Variants in KLF7 observed in about 807,000 individuals in gnomAD.
The protein encoded by KLF7 is KLF transcription factor 7.
In KLF7, 2 loss-of-function variants were observed where a neutral mutation model predicts 27.3. That is an observed-to-expected ratio of 0.07 (90% CI 0.03 to 0.23). KLF7 has a LOEUF of 0.23. KLF7 is among the 10% of genes least tolerant of loss of function. The probability of loss-of-function intolerance (pLI) is 1.00; values close to 1 mark genes in which losing one functional copy is unlikely to be tolerated. For synonymous variants in KLF7, 165 were observed against 162.4 expected, an observed-to-expected ratio of 1.02 and a Z score of -0.12; for missense variants, 221 against 394.1, an observed-to-expected ratio of 0.56 and a Z score of 3.72.
At chr2:207,134,390 C>G (rs1472176578) in intron 1 of KLF7, among the ~76,000 whole-genome samples, 1 of 152,046 alleles carries the variant, frequency 6.6e-6, no homozygotes, top group African/African-American at 2.4e-5. Flanking sequence ...GCCCATTGGG[C>G]CCTCGGTGGC....
At chr2:207,162,568 T>C (rs2078580247) in intron 1 of KLF7, among the ~76,000 whole-genome samples, 2 of 152,226 alleles carry the variant, frequency 1.3e-5, no homozygotes, top group Non-Finnish European at 2.9e-5. Flanking sequence ...TGGAGCTATG[T>C]GGCTAAGGCA....
At chr2:207,126,347 A>G (rs1053580699) in intron 1 of KLF7, among the ~76,000 whole-genome samples, 2 of 152,202 alleles carry the variant, frequency 1.3e-5, no homozygotes, top group South Asian at 2.1e-4. Context: ...TCACCTACCA[A>G]GCACAGTGCC....
At chr2:207,155,381 G>A (rs1352740437) in intron 1 of KLF7, among the ~76,000 whole-genome samples, 1 of 152,164 alleles carries the variant, frequency 6.6e-6, no homozygotes, top group Non-Finnish European at 1.5e-5. Context: ...TGCAGCCACA[G>A]TAAGACAACT....
Position 207,081,051 on chromosome 2 carries a change from G to A in KLF7, c.*162C>T, listed in dbSNP as rs1320744047. On this transcript the variant is annotated 3_prime_UTR_variant, in exon 4 of 4. Coordinates refer to ENST00000309446, the MANE Select transcript of KLF7 (RefSeq NM_003709.4). ...AGTGTGTATGTGTGTGGGTCTGTGA[G>A]TGTGTGTATATGTGTGTGTGTGTGT... 6.1e-6 allele frequency: 4 copies of A among 655,212 alleles called. No homozygotes were observed. Among genetic ancestry groups the A allele is most frequent in the African/African-American group, 6.1e-5 (3 of 49,496 alleles). 40.6% of individuals were successfully genotyped at this position (655,212 alleles called of 1,614,324 possible). A position where few individuals can be genotyped will look rare whatever the true frequency, so the allele number is the denominator to read the frequency against.
intron 1 of KLF7, among the ~76,000 whole-genome samples, chr2:207,133,755 C>T (rs1016585534): frequency 1.3e-5 from 2 of 152,092 alleles, no homozygotes; most frequent in Non-Finnish European, 2.9e-5. Context: ...GGGGGGGAGC[C>T]ATCATTGAAA....
At chr2:207,165,352 G>A (rs568941404) in intron 1 of KLF7, 115 bp downstream of exon 1, 11 of 1,437,146 alleles carry the variant, frequency 7.7e-6, no homozygotes, top group East Asian at 2.3e-5. Context: ...AGCCAAAAAG[G>A]AAGAAAAAAA....
intron 2 of KLF7, among the ~76,000 whole-genome samples, chr2:207,103,653 C>G (rs1171387704): frequency 6.6e-6 from 1 of 152,212 alleles, no homozygotes; most frequent in African/African-American, 2.4e-5. Flanking sequence ...ACACACAACT[C>G]ACCATCAGGA....
At chr2:207,134,035 TC>T in intron 1 of KLF7, 1 of 1,515,680 alleles carries the variant, frequency 6.6e-7, no homozygotes, top group Non-Finnish European at 8.8e-7. Context: ...TCACACACCC[TC>T]CTCAAACTCC....
intron 2 of KLF7, among the ~76,000 whole-genome samples, chr2:207,107,340 G>A (rs926467020): frequency 2.6e-5 from 4 of 152,052 alleles, no homozygotes; most frequent in East Asian, 1.9e-4. Context: ...AACAAAGGAC[G>A]CCTCTGACAC....
In KLF7 at chr2:207,143,595, T is replaced by C. The variant is rs55822837; in HGVS notation, c.103-19191A>G. On this transcript the variant is annotated intron_variant, in intron 1 of 3. Transcript: ENST00000309446. ...CCTCACCCATTCCTGTAGACATGCATTTATGACCACATTCTCCTGGCCAGT... is the reference window on the plus strand; with the variant it reads ...CCTCACCCATTCCTGTAGACATGCACTTATGACCACATTCTCCTGGCCAGT... Among the ~76,000 whole-genome samples, 321 of 152,278 alleles carry C rather than the reference T, an allele frequency of 2.1e-3. 1 individual carries two copies. Among genetic ancestry groups the C allele is most frequent in the African/African-American group, 7.5e-3 (312 of 41,556 alleles).
chr2:207,126,757 C>G (rs913753177), intron 1 of KLF7, among the ~76,000 whole-genome samples: 1 of 150,898 alleles, frequency 6.6e-6, no homozygotes, highest in Non-Finnish European at 1.5e-5. Context: ...GAGCTATGGT[C>G]GTACCACTGC....
Position 207,074,516 on chromosome 2 carries a change from G to GT in KLF7, c.*6696dup, listed in dbSNP as rs1355969158. On this transcript the variant is annotated 3_prime_UTR_variant, in exon 4 of 4. Coordinates refer to ENST00000309446, the MANE Select transcript of KLF7 (RefSeq NM_003709.4). ...CTGAAGCTGCTTGTATTTCCATCTA[G>GT]TTTTTTGTACTCTCCACAGCCAGCT... is the stretch of plus-strand genomic sequence containing the variant. 2 of 152,032 alleles carry GT rather than the reference G, an allele frequency of 1.3e-5. No homozygotes were observed. Among genetic ancestry groups the GT allele is most frequent in the African/African-American group, 2.4e-5 (1 of 41,368 alleles). 9.4% of individuals were successfully genotyped at this position (152,032 alleles called of 1,614,324 possible).
intron 1 of KLF7, among the ~76,000 whole-genome samples, chr2:207,156,318 C>CTCA (rs2078382504): frequency 6.6e-6 from 1 of 152,238 alleles, no homozygotes; most frequent in Non-Finnish European, 1.5e-5. Context: ...CCGGAATGTC[C>CTCA]TCAGCAGCAA....
At chr2:207,173,555 A>G in the KLF7 span, 1 of 152,182 alleles carries the variant, frequency 6.6e-6, no homozygotes, top group Non-Finnish European at 1.5e-5. Context: ...TATCTTCTTC[A>G]GAAGACATCC....
At chr2:207,095,959 T>A (rs2076619370) in intron 2 of KLF7, among the ~76,000 whole-genome samples, 2 of 152,214 alleles carry the variant, frequency 1.3e-5, no homozygotes, top group African/African-American at 4.8e-5. Flanking sequence ...TAAAGTTACA[T>A]ATGTGGTTTG....
chr2:207,111,580 G>A (rs1289136659), intron 2 of KLF7, among the ~76,000 whole-genome samples: 1 of 152,192 alleles, frequency 6.6e-6, no homozygotes, highest in Non-Finnish European at 1.5e-5. Flanking sequence ...GCAGTTTTGT[G>A]TGGCCATGAG....
In KLF7 at chr2:207,080,516, AAGGTGTT is replaced by A; in HGVS notation, c.*690_*696del. On this transcript the variant is annotated 3_prime_UTR_variant, in exon 4 of 4. Coordinates refer to ENST00000309446, the MANE Select transcript of KLF7 (RefSeq NM_003709.4). Reference sequence around the variant, plus strand: ...ACAGAAATGCAGGCCAGAAAGGTGTAAGGTGTTATTCCAGTCTGCCGCCGCTAAGGCC... The same window carrying A: ...ACAGAAATGCAGGCCAGAAAGGTGTAATTCCAGTCTGCCGCCGCTAAGGCC... 1 of 249,268 alleles carries A rather than the reference AAGGTGTT, an allele frequency of 4.0e-6. No homozygotes were observed. The highest frequency in any genetic ancestry group is 7.6e-6 in the Non-Finnish European group (1 of 131,694). 15.4% of individuals were successfully genotyped at this position (249,268 alleles called of 1,614,324 possible). A position where few individuals can be genotyped will look rare whatever the true frequency, so the allele number is the denominator to read the frequency against.
intron 2 of KLF7, among the ~76,000 whole-genome samples, chr2:207,111,320 C>T (rs1005657454): frequency 2.6e-5 from 4 of 152,206 alleles, no homozygotes; most frequent in Admixed American, 6.5e-5. Flanking sequence ...GAAGGCCCAT[C>T]TGTGTGGAAT....
rs1200004614 is a variant in KLF7, at chr2:207,164,182, CTG to C, written c.102+1283_102+1284del. The stretch of plus-strand genomic sequence containing the variant: ...CAAACCTCTTTTGCTAAAGCAGAGA[CTG>C]TTACATCTCAGCCTCAAGCTGGCAA... On this transcript the variant is annotated intron_variant, in intron 1 of 3. Transcript: ENST00000309446. Among the ~76,000 whole-genome samples the C allele has an allele frequency of 6.1e-4, 93 of 152,366 alleles. 3 individuals carry two copies. The South Asian group carries it at 0.019, about 31-fold the overall frequency.
Sources: allele counts gnomAD v4.1 joint callset (sites outside exome capture counted in the v4.1 genomes callset), GRCh38; gene constraint gnomAD v4.1.1; transcripts MANE v1.5; gene names NCBI Gene and HGNC (gene_info 2026-07-23, HGNC 2026-07-21).